The following HS6ST3 variants were observed in gnomAD, a reference collection of about 807,000 sequenced individuals.
HS6ST3 encodes heparan-sulfate 6-O-sulfotransferase 3.
In HS6ST3, 12 loss-of-function variants were observed where a neutral mutation model predicts 36.7. The ratio of observed to expected loss-of-function variants is 0.33; its 90% CI spans 0.21 to 0.53. HS6ST3 has a LOEUF of 0.53. Ranked by LOEUF, HS6ST3 falls within the 20% of genes least tolerant of loss-of-function variation. The pLI, the probability that HS6ST3 is intolerant of heterozygous loss-of-function variation, is 0.95. For missense variants in HS6ST3, 584 were observed against 640.9 expected (o/e 0.91, Z 0.96); for synonymous variants, 240 against 257.5 (o/e 0.93, Z 0.65).
chr13:96,403,050 C>T lies in HS6ST3; in HGVS notation c.707+311481C>T, dbSNP rs548199410. On this transcript the variant is annotated intron_variant, in intron 1 of 1. Transcript: ENST00000376705. ...TGAGATTCCCAGTTGTTTCATGTTC[C>T]CCCTGATCCCCGTCTTTGTAACTTT... 9.2e-5 allele frequency among the ~76,000 whole-genome samples: 14 copies of T among 152,142 alleles called. 1 individual carries two copies. The South Asian group carries it at 2.5e-3, about 27-fold the overall frequency.
At chr13:96,390,299 A>G (rs1322943586) in intron 1 of HS6ST3, among the ~76,000 whole-genome samples, 1 of 152,202 alleles carries the variant, frequency 6.6e-6, no homozygotes, top group East Asian at 1.9e-4. Context: ...TATGATCTGA[A>G]TGTTTTTCTC....
chr13:96,424,216 A>G (rs1346164622), intron 1 of HS6ST3, among the ~76,000 whole-genome samples: 2 of 151,746 alleles, frequency 1.3e-5, no homozygotes, highest in Non-Finnish European at 2.9e-5. Context: ...CAAAATGAAG[A>G]TGTCTTCATT....
At chr13:96,275,047 CTT>C (rs1450179047) in intron 1 of HS6ST3, among the ~76,000 whole-genome samples, 3 of 152,074 alleles carry the variant, frequency 2.0e-5, no homozygotes, top group Non-Finnish European at 2.9e-5. Context: ...CAGCGTAAAT[CTT>C]GGGAGTAAAA....
At chr13:96,510,771 A>G (rs1480408883) in intron 1 of HS6ST3, among the ~76,000 whole-genome samples, 1 of 151,982 alleles carries the variant, frequency 6.6e-6, no homozygotes, top group African/African-American at 2.4e-5. Context: ...CATTCTCCTC[A>G]CTCAGCCCCA....
chr13:96,583,021 G>T (rs571670507), intron 1 of HS6ST3, among the ~76,000 whole-genome samples: 2 of 151,724 alleles, frequency 1.3e-5, no homozygotes, highest in African/African-American at 4.8e-5. Context: ...ATGCATGAAC[G>T]CTTCCAGGTC....
At chr13:96,670,385 G>A (rs1468414981) in intron 1 of HS6ST3, among the ~76,000 whole-genome samples, 1 of 152,122 alleles carries the variant, frequency 6.6e-6, no homozygotes, top group African/African-American at 2.4e-5. Flanking sequence ...TCTTTTTTGG[G>A]AGTTTAATGT....
intron 1 of HS6ST3, among the ~76,000 whole-genome samples, chr13:96,575,232 G>A (rs1464528214): frequency 1.3e-5 from 2 of 152,176 alleles, no homozygotes; most frequent in Non-Finnish European, 2.9e-5. Flanking sequence ...ATAGACATCA[G>A]TGGCATAGCC....
At chr13:96,183,372 A>G (rs1268817345) in intron 1 of HS6ST3, among the ~76,000 whole-genome samples, 1 of 152,128 alleles carries the variant, frequency 6.6e-6, no homozygotes, top group Non-Finnish European at 1.5e-5. Context: ...GTTTGGGATG[A>G]TCTTCATTTT....
chr13:96,335,696 A>G (rs1203620652), intron 1 of HS6ST3, among the ~76,000 whole-genome samples: 1 of 152,194 alleles, frequency 6.6e-6, no homozygotes, highest in East Asian at 1.9e-4. Context: ...GTAGTTTTAT[A>G]AATTAGCTGG....
At chr13:96,306,110 T>C (rs1333332069) in intron 1 of HS6ST3, among the ~76,000 whole-genome samples, 2 of 145,482 alleles carry the variant, frequency 1.4e-5, no homozygotes, top group Admixed American at 6.7e-5. Flanking sequence ...CTTTTTCTTT[T>C]TTTTTTTTTT....
chr13:96,404,754 A>C (rs1287092344), intron 1 of HS6ST3, among the ~76,000 whole-genome samples: 1 of 152,198 alleles, frequency 6.6e-6, no homozygotes, highest in Non-Finnish European at 1.5e-5. Context: ...AGATCAGATA[A>C]TAGAATTCTG....
intron 1 of HS6ST3, among the ~76,000 whole-genome samples, chr13:96,760,623 A>C (rs553098803): frequency 2.0e-5 from 3 of 152,326 alleles, no homozygotes; most frequent in Admixed American, 2.0e-4. Context: ...GAAGTATTTG[A>C]ACTGATAGTG....
At chr13:96,207,788 G>A (rs1436248781) in intron 1 of HS6ST3, among the ~76,000 whole-genome samples, 1 of 152,196 alleles carries the variant, frequency 6.6e-6, no homozygotes, top group African/African-American at 2.4e-5. Flanking sequence ...GAATGCATGG[G>A]CACGTGGTTG....
chr13:96,173,620 G>GACTT (rs2054198663), intron 1 of HS6ST3, among the ~76,000 whole-genome samples: 1 of 119,420 alleles, frequency 8.4e-6, no homozygotes, highest in Admixed American at 1.1e-4. Context: ...GGACAAACAA[G>GACTT]ACTTACCTGC....
chr13:96,429,630 T>C (rs2055604706), intron 1 of HS6ST3, among the ~76,000 whole-genome samples: 1 of 152,210 alleles, frequency 6.6e-6, no homozygotes, highest in Non-Finnish European at 1.5e-5. Context: ...GGTGTATATG[T>C]GGTGTTATTT....
intron 1 of HS6ST3, among the ~76,000 whole-genome samples, chr13:96,570,535 T>TAC (rs757127582): frequency 6.6e-6 from 1 of 152,234 alleles, no homozygotes; most frequent in Non-Finnish European, 1.5e-5. Context: ...ACTTTGGGTC[T>TAC]ACACATGATG....
intron 1 of HS6ST3, among the ~76,000 whole-genome samples, chr13:96,428,853 A>G (rs1243958002): frequency 6.6e-6 from 1 of 152,200 alleles, no homozygotes; most frequent in African/African-American, 2.4e-5. Flanking sequence ...AACATAATGA[A>G]GCTCGATGAG....
chr13:96,112,733 A>G (rs1407200660), intron 1 of HS6ST3, among the ~76,000 whole-genome samples: 1 of 144,188 alleles, frequency 6.9e-6, no homozygotes, highest in Non-Finnish European at 1.5e-5. Flanking sequence ...ACACCACTGC[A>G]TCCAGCCTGG....
At chr13:96,334,961 A>G (rs2055092745) in intron 1 of HS6ST3, among the ~76,000 whole-genome samples, 1 of 152,208 alleles carries the variant, frequency 6.6e-6, no homozygotes, top group African/African-American at 2.4e-5. Flanking sequence ...CTCTCCCATC[A>G]GTTGGTTAGT....
Sources: allele counts gnomAD v4.1 joint callset (sites outside exome capture counted in the v4.1 genomes callset), GRCh38; gene constraint gnomAD v4.1.1; transcripts MANE v1.5; gene names NCBI Gene and HGNC (gene_info 2026-07-23, HGNC 2026-07-21).